Variants in PPP1R12B observed in about 807,000 individuals in gnomAD.
PPP1R12B encodes the protein myosin phosphatase target subunit 2.
PPP1R12B carries 76 observed loss-of-function variants against 126.1 expected under a neutral mutation model. That is an observed-to-expected ratio of 0.60 (90% confidence interval 0.50 to 0.73). PPP1R12B has a LOEUF of 0.73. PPP1R12B is among the 30% of genes least tolerant of loss of function. The probability of loss-of-function intolerance (pLI) is 0.00; values close to 1 mark genes in which losing one functional copy is unlikely to be tolerated. For missense variants in PPP1R12B, 1,052 were observed against 1,205.1 expected (o/e 0.87, Z 1.88); for synonymous variants, 356 against 434.7 (o/e 0.82, Z 2.25).
intron 1 of PPP1R12B, among the ~76,000 whole-genome samples, chr1:202,410,771 GT>G (rs1667279269): frequency 6.6e-6 from 1 of 152,156 alleles, no homozygotes; most frequent in Non-Finnish European, 1.5e-5. Flanking sequence ...TTACCTGGCA[GT>G]TTTTCTAAAT....
chr1:202,557,113 A>G (rs1180928439), intron 18 of PPP1R12B, among the ~76,000 whole-genome samples: 3 of 152,088 alleles, frequency 2.0e-5, no homozygotes, highest in South Asian at 2.1e-4. Flanking sequence ...TCGGCTTTCC[A>G]TGTAGCATGG....
At position 202,449,056 on chromosome 1, in the gene PPP1R12B, C is replaced by A. The variant is rs769158848; in HGVS notation, c.1735C>A (p.Pro579Thr). The change falls in exon 13 of 24, where the codon CCG (proline) becomes ACG (threonine). Residue 579 changes from proline (P) to threonine (T), a missense_variant. Coordinates refer to ENST00000608999, the MANE Select transcript of PPP1R12B (RefSeq NM_002481.4). ...KTADNVSSST[P>T]LCVITNRPLP... ...AGCAGACAATGTCTCTTCTAGCACC[C>A]CGCTCTGTGTGATCACCAATCGCCC... 10 of 1,613,902 alleles carry A rather than the reference C, an allele frequency of 6.2e-6. No individual in the cohort carries two copies. The East Asian group carries it at 2.2e-4, about 36-fold the overall frequency.
At chr1:202,486,158 A>G (rs1384619860) in intron 13 of PPP1R12B, among the ~76,000 whole-genome samples, 1 of 152,188 alleles carries the variant, frequency 6.6e-6, no homozygotes, top group Admixed American at 6.5e-5. Context: ...TTGGGATTAC[A>G]GGCATGAGCT....
intron 13 of PPP1R12B, among the ~76,000 whole-genome samples, chr1:202,464,859 G>A (rs1319372662): frequency 6.6e-6 from 1 of 152,188 alleles, no homozygotes; most frequent in Non-Finnish European, 1.5e-5. Flanking sequence ...TGTACACATA[G>A]TAAGGCATGA....
chr1:202,388,044 C>T (rs1436625519), intron 1 of PPP1R12B, among the ~76,000 whole-genome samples: 9 of 146,176 alleles, frequency 6.2e-5, no homozygotes, highest in Non-Finnish European at 1.3e-4. Flanking sequence ...AATAGTTTTT[C>T]AAACCATCAT....
intron 18 of PPP1R12B, among the ~76,000 whole-genome samples, chr1:202,514,460 T>C (rs368299587): frequency 1.3e-5 from 2 of 152,352 alleles, no homozygotes; most frequent in East Asian, 1.9e-4. Flanking sequence ...TTTTTGCTTT[T>C]GTTGCGATTG....
Position 202,348,892 on chromosome 1 carries a change from C to T in PPP1R12B, c.41C>T (p.Ser14Leu), listed in dbSNP as rs1375212240. 2 of 1,610,784 alleles carry T rather than the reference C, an allele frequency of 1.2e-6. No individual in the cohort carries two copies. Among genetic ancestry groups the T allele is most frequent in the Non-Finnish European group, 1.7e-6 (2 of 1,179,306 alleles). Residue 14 changes from serine (S) to leucine (L), a missense_variant, in exon 1 of 24, where the codon TCG becomes TTG. Physicochemically the swap from Ser to Leu is moderately radical, Grantham distance 145. Coordinates refer to ENST00000608999, the MANE Select transcript of PPP1R12B (RefSeq NM_002481.4). ...LEHLGGKRAESARMRRAEQLR... is the reference protein window; with the variant it reads ...LEHLGGKRAELARMRRAEQLR... ...CACCTAGGAGGGAAGCGGGCAGAGT[C>T]GGCGCGAATGCGGCGGGCAGAGCAG...
rs201446771 is a variant in PPP1R12B at position 202,562,620 on chromosome 1, C to T, written c.2508-158C>T. The T allele has an allele frequency of 1.0e-4, 91 of 885,348 alleles. No individual in the cohort carries two copies. The South Asian group carries it at 1.0e-3, about 10-fold the overall frequency. 54.8% of individuals were successfully genotyped at this position (885,348 alleles called of 1,614,324 possible). A position where few individuals can be genotyped will look rare whatever the true frequency, so the allele number is the denominator to read the frequency against. On this transcript the variant is annotated intron_variant, in intron 19 of 23. Coordinates refer to ENST00000608999, the MANE Select transcript of PPP1R12B (RefSeq NM_002481.4). ...GCAGTTTAGCCCTGAGGTCTGGGAA[C>T]GCTGGCAGAGAGATTGAAGGAAAGA...
intron 1 of PPP1R12B, among the ~76,000 whole-genome samples, chr1:202,352,990 T>A (rs1395735935): frequency 6.6e-6 from 1 of 152,230 alleles, no homozygotes; most frequent in Non-Finnish European, 1.5e-5. Context: ...TGTAGTTGAA[T>A]AAGCCTTTGT....
intron 10 of PPP1R12B, chr1:202,439,127 C>T: frequency 1.3e-6 from 2 of 1,574,900 alleles, no homozygotes; most frequent in Non-Finnish European, 1.7e-6. Context: ...GGAGGAGGAG[C>T]AGCTCCTGTA....
chr1:202,432,404 A>T (rs1470158249), intron 8 of PPP1R12B, among the ~76,000 whole-genome samples: 1 of 151,984 alleles, frequency 6.6e-6, no homozygotes, highest in South Asian at 2.1e-4. Flanking sequence ...AGTAGCTGGG[A>T]CTACAGGTGT....
At chr1:202,438,462 G>A (rs562624538) in intron 10 of PPP1R12B, 3 of 424,516 alleles carry the variant, frequency 7.1e-6, no homozygotes, top group East Asian at 1.2e-4. Context: ...CACCGCTTGA[G>A]GACTTCAAGG....
chr1:202,541,238 T>C (rs1217921218), intron 18 of PPP1R12B, among the ~76,000 whole-genome samples: 1 of 151,478 alleles, frequency 6.6e-6, no homozygotes, highest in Admixed American at 6.6e-5. Flanking sequence ...GGTTTTTTTT[T>C]CCCCCAATTA....
intron 9 of PPP1R12B, among the ~76,000 whole-genome samples, chr1:202,437,090 G>C (rs1670925992): frequency 6.6e-6 from 1 of 152,128 alleles, no homozygotes; most frequent in Non-Finnish European, 1.5e-5. Flanking sequence ...AGCACTTTGG[G>C]AGGCTGAGAT....
rs920723410 is a variant in PPP1R12B at position 202,589,589 on chromosome 1, G to A, written c.*9029G>A. 1 of 152,244 alleles carries A rather than the reference G, an allele frequency of 6.6e-6. No homozygotes were observed. The highest frequency in any genetic ancestry group is 1.5e-5 in the Non-Finnish European group (1 of 68,090). The allele number at this position is 152,244 out of a possible 1,614,324, so 9.4% of individuals were successfully genotyped here. On this transcript the variant is annotated 3_prime_UTR_variant, in exon 24 of 24. Transcript: ENST00000608999. ...CCCACTGGTTGTAGTAAGGTCTGCA[G>A]ATACAGTATCACCTAGCCGTCACGT...
intron 1 of PPP1R12B, among the ~76,000 whole-genome samples, chr1:202,369,019 A>G (rs1357169734): frequency 1.3e-5 from 2 of 152,228 alleles, no homozygotes; most frequent in Non-Finnish European, 2.9e-5. Context: ...TGCCCAGCCA[A>G]GGAACCATTT....
intron 18 of PPP1R12B, among the ~76,000 whole-genome samples, chr1:202,534,694 C>G (rs1385086905): frequency 1.3e-5 from 2 of 151,640 alleles, no homozygotes; most frequent in South Asian, 4.2e-4. Flanking sequence ...CCGAAGTAGA[C>G]CAGGCTACTA....
intron 9 of PPP1R12B, 93 bp downstream of exon 9, chr1:202,434,861 A>T (rs1670601068): frequency 6.5e-7 from 1 of 1,540,080 alleles, no homozygotes; most frequent in Non-Finnish European, 8.7e-7. Context: ...CTTGCAAAAT[A>T]ATAAAAATAC....
chr1:202,404,989 A>C (rs559856497), intron 1 of PPP1R12B, among the ~76,000 whole-genome samples: 5 of 152,164 alleles, frequency 3.3e-5, no homozygotes, highest in Admixed American at 6.5e-5. Context: ...TTATTACTAC[A>C]TCTCCACCTG....
Sources: allele counts gnomAD v4.1 joint callset (sites outside exome capture counted in the v4.1 genomes callset), GRCh38; gene constraint gnomAD v4.1.1; transcripts MANE v1.5; gene names NCBI Gene and HGNC (gene_info 2026-07-23, HGNC 2026-07-21).